Variants in GRM3 observed in about 807,000 individuals in gnomAD.
GRM3 encodes the protein metabotropic glutamate receptor 3.
In GRM3, 26 loss-of-function variants were observed where a neutral mutation model predicts 70.5. The observed-to-expected ratio is 0.37, with a 90% CI of 0.27 to 0.51. The LOEUF (loss-of-function observed/expected upper bound fraction) is 0.51, where lower values mean the gene tolerates loss of function less well. GRM3 is among the 20% of genes least tolerant of loss of function. The probability of loss-of-function intolerance (pLI) is 0.93; values close to 1 mark genes in which losing one functional copy is unlikely to be tolerated. For synonymous variants in GRM3, 443 were observed against 434.9 expected (o/e 1.02, Z -0.23); for missense variants, 859 against 1,123.8 (o/e 0.76, Z 3.37).
intron 3 of GRM3, among the ~76,000 whole-genome samples, chr7:86,803,605 TG>T (rs1035147412): frequency 3.2e-4 from 48 of 152,342 alleles, no homozygotes; most frequent in African/African-American, 1.1e-3. Flanking sequence ...AACCAGAGGC[TG>T]CCCTCCCAGC....
chr7:86,777,967 A>G (rs1796937237), intron 2 of GRM3, among the ~76,000 whole-genome samples: 1 of 152,206 alleles, frequency 6.6e-6, no homozygotes, highest in Non-Finnish European at 1.5e-5. Context: ...AGATGGTTCA[A>G]AGTGCAGCAA....
intron 5 of GRM3, among the ~76,000 whole-genome samples, chr7:86,861,575 A>G (rs1253995301): frequency 6.6e-6 from 1 of 152,230 alleles, no homozygotes; most frequent in African/African-American, 2.4e-5. Context: ...TGTGGATGAC[A>G]AGGAGGAGCC....
intron 1 of GRM3, among the ~76,000 whole-genome samples, chr7:86,720,622 C>T (rs1402353390): frequency 6.6e-6 from 1 of 152,098 alleles, no homozygotes; most frequent in Non-Finnish European, 1.5e-5. Flanking sequence ...TTCATCTACC[C>T]TATACCCTTA....
chr7:86,786,241 CCTT>C lies in GRM3; in HGVS notation c.469-14_469-12del. On this transcript the variant is annotated splice_polypyrimidine_tract_variant and intron_variant, in intron 2 of 5. Coordinates refer to ENST00000361669, the MANE Select transcript of GRM3 (RefSeq NM_000840.3). This position sits in a 1 kb window ranked among gnomAD's most constrained non-coding sequence, Gnocchi z 6.0. The stretch of plus-strand genomic sequence containing the variant: ...CTACCTCGGGGTTTCTAACAAAGGT[CCTT>C]CTTCTCCCTCCCCTAGGTGGCAAAC... 6.3e-7 allele frequency: 1 copy of C among 1,585,392 alleles called. No individual in the cohort carries two copies. Among genetic ancestry groups the C allele is most frequent in the African/African-American group, 1.3e-5 (1 of 74,198 alleles).
chr7:86,778,006 T>G (rs886219009), intron 2 of GRM3, among the ~76,000 whole-genome samples: 1 of 152,168 alleles, frequency 6.6e-6, no homozygotes, highest in Non-Finnish European at 1.5e-5. Flanking sequence ...GGCACATATA[T>G]AAGCATTTAA....
intron 5 of GRM3, among the ~76,000 whole-genome samples, chr7:86,862,906 T>C (rs1361467717): frequency 6.6e-6 from 1 of 152,198 alleles, no homozygotes; most frequent in African/African-American, 2.4e-5. Context: ...CTATCAAGCA[T>C]GGACATTTAA....
chr7:86,788,857 T>C (rs1167175869), intron 3 of GRM3, among the ~76,000 whole-genome samples: 2 of 152,214 alleles, frequency 1.3e-5, no homozygotes, highest in Admixed American at 1.3e-4. Context: ...TTCTAGTTCC[T>C]TTCTTACTTT....
chr7:86,806,328 A>C (rs1016686476), intron 3 of GRM3, among the ~76,000 whole-genome samples: 1 of 152,168 alleles, frequency 6.6e-6, no homozygotes, highest in African/African-American at 2.4e-5. Flanking sequence ...CGCCACACTG[A>C]CTTCCACAAT....
At chr7:86,840,925 A>C (rs1159416639) in intron 4 of GRM3, among the ~76,000 whole-genome samples, 2 of 152,298 alleles carry the variant, frequency 1.3e-5, no homozygotes, top group East Asian at 1.9e-4. Flanking sequence ...GTAGATACAA[A>C]ATTTCAGTTA....
chr7:86,808,719 A>G (rs1453877411), intron 3 of GRM3, among the ~76,000 whole-genome samples: 1 of 152,090 alleles, frequency 6.6e-6, no homozygotes, highest in Non-Finnish European at 1.5e-5. Flanking sequence ...CAGAGGTCAA[A>G]TGAGCAGAGA....
At chr7:86,772,032 T>G (rs1338379283) in intron 2 of GRM3, among the ~76,000 whole-genome samples, 1 of 152,124 alleles carries the variant, frequency 6.6e-6, no homozygotes, top group African/African-American at 2.4e-5. Context: ...ACTCACTTCA[T>G]GTACATGCCC....
rs189265025 is a variant in GRM3, at chr7:86,677,399, C to G, written c.-141+32527C>G. Among the ~76,000 whole-genome samples, 6 of 152,126 alleles carry G rather than the reference C, an allele frequency of 3.9e-5. No homozygotes were observed. In the East Asian group the frequency reaches 1.2e-3, roughly 29 times the overall value. On this transcript the variant is annotated intron_variant, in intron 1 of 5. Coordinates refer to ENST00000361669, the MANE Select transcript of GRM3 (RefSeq NM_000840.3). Reference sequence around the variant, plus strand: ...TCTCCCTACCATCATCTTCTGGAGACCTTCTTCCCATCACCTGACAAAACC... The same window carrying G: ...TCTCCCTACCATCATCTTCTGGAGAGCTTCTTCCCATCACCTGACAAAACC...
chr7:86,813,867 G>A (rs1797962717), intron 3 of GRM3, among the ~76,000 whole-genome samples: 1 of 151,740 alleles, frequency 6.6e-6, no homozygotes, highest in Admixed American at 6.6e-5. Flanking sequence ...AAGACTTGCT[G>A]AGAGCAAGAA....
At chr7:86,797,724 G>T (rs1371331142) in intron 3 of GRM3, among the ~76,000 whole-genome samples, 1 of 152,186 alleles carries the variant, frequency 6.6e-6, no homozygotes, top group Non-Finnish European at 1.5e-5. Flanking sequence ...TAATTGCTAA[G>T]ACAATTGGGA....
intron 3 of GRM3, among the ~76,000 whole-genome samples, chr7:86,806,850 G>T (rs1158258456): frequency 6.6e-6 from 1 of 151,662 alleles, no homozygotes; most frequent in Non-Finnish European, 1.5e-5. Flanking sequence ...TATTGCCTAG[G>T]TTTTCTTCTA....
chr7:86,662,486 T>C (rs1793918157), intron 1 of GRM3, among the ~76,000 whole-genome samples: 1 of 151,924 alleles, frequency 6.6e-6, no homozygotes, highest in Admixed American at 6.6e-5. Context: ...CATATTTCAG[T>C]GATAAAATTT....
chr7:86,850,615 G>A, intron 5 of GRM3, 71 bp downstream of exon 5: 2 of 970,616 alleles, frequency 2.1e-6, no homozygotes, highest in Middle Eastern at 2.1e-4. Flanking sequence ...CCAAGAACAG[G>A]CAACACATGT....
At chr7:86,774,218 C>A (rs1380576206) in intron 2 of GRM3, among the ~76,000 whole-genome samples, 10 of 151,982 alleles carry the variant, frequency 6.6e-5, no homozygotes, top group Non-Finnish European at 2.9e-5. Context: ...GAAAGAGCAG[C>A]GGTTAGCAGT....
At chr7:86,710,078 T>C (rs1795158232) in intron 1 of GRM3, 2 of 152,100 alleles carry the variant, frequency 1.3e-5, no homozygotes, top group Non-Finnish European at 1.5e-5. Flanking sequence ...AATTTGAGTA[T>C]GACCTTGTAC....
Sources: allele counts gnomAD v4.1 joint callset (sites outside exome capture counted in the v4.1 genomes callset), GRCh38; gene constraint gnomAD v4.1.1; non-coding constraint Gnocchi (gnomAD v3.1); transcripts MANE v1.5; gene names NCBI Gene and HGNC (gene_info 2026-07-23, HGNC 2026-07-21).